The following CLASP1 variants were observed in gnomAD, a reference collection of about 807,000 sequenced individuals.
The protein encoded by CLASP1 is cytoplasmic linker associated protein 1.
A neutral mutation model predicts 192.3 loss-of-function variants in CLASP1; 38 were observed. That is an observed-to-expected ratio of 0.20 (90% confidence interval 0.15 to 0.26). CLASP1 has a LOEUF of 0.26. Among genes scored for constraint, CLASP1 ranks in the 10% least tolerant of loss-of-function variants. The pLI is 1.00. For missense variants in CLASP1, 1,433 were observed against 1,932.5 expected (o/e 0.74, Z 4.85); for synonymous variants, 691 against 712.8 (o/e 0.97, Z 0.49).
intron 6 of CLASP1, among the ~76,000 whole-genome samples, chr2:121,516,586 C>A (rs2094301704): frequency 6.6e-6 from 1 of 152,146 alleles, no homozygotes; most frequent in Non-Finnish European, 1.5e-5. Context: ...GACTTTTTTT[C>A]TAACCTGGGG....
intron 23 of CLASP1, among the ~76,000 whole-genome samples, chr2:121,415,488 C>T (rs996729381): frequency 6.6e-6 from 1 of 152,168 alleles, no homozygotes; most frequent in African/African-American, 2.4e-5. Flanking sequence ...CATATTACTT[C>T]ATCAACCTGA....
chr2:121,615,114 C>A (rs1030556981), intron 1 of CLASP1, among the ~76,000 whole-genome samples: 1 of 151,850 alleles, frequency 6.6e-6, no homozygotes, highest in Non-Finnish European at 1.5e-5. Context: ...CCAAAGTGGG[C>A]AGATCACCTG....
chr2:121,599,312 G>A (rs561228620), intron 2 of CLASP1, among the ~76,000 whole-genome samples: 89 of 150,364 alleles, frequency 5.9e-4, no homozygotes, highest in African/African-American at 1.9e-3. Flanking sequence ...AAAAACAGCC[G>A]GGCACGGTGG....
chr2:121,621,048 G>A (rs1178609763), intron 1 of CLASP1, among the ~76,000 whole-genome samples: 1 of 151,940 alleles, frequency 6.6e-6, no homozygotes, highest in East Asian at 1.9e-4. Context: ...GGGCAATGTG[G>A]CAAACCCTAT....
At chr2:121,464,181 T>G (rs2088869070) in intron 9 of CLASP1, among the ~76,000 whole-genome samples, 1 of 152,172 alleles carries the variant, frequency 6.6e-6, no homozygotes, top group Non-Finnish European at 1.5e-5. Context: ...GAACTCATCC[T>G]TTTTTATGGA....
chr2:121,641,192 G>GC (rs2071993276), intron 1 of CLASP1, among the ~76,000 whole-genome samples: 2 of 152,178 alleles, frequency 1.3e-5, no homozygotes, highest in South Asian at 4.1e-4. Flanking sequence ...GCCTCTGTTA[G>GC]CATGTCCGGG....
At chr2:121,536,377 TGAAAAAAAA>T (rs2095077545) in intron 2 of CLASP1, among the ~76,000 whole-genome samples, 1 of 62,086 alleles carries the variant, frequency 1.6e-5, no homozygotes, top group African/African-American at 1.6e-4. Flanking sequence ...CAAGACTGTC[TGAAAAAAAA>T]AAAAAAAAAA....
chr2:121,442,862 T>C (rs1032953523), intron 19 of CLASP1, among the ~76,000 whole-genome samples: 1 of 151,694 alleles, frequency 6.6e-6, no homozygotes, highest in Non-Finnish European at 1.5e-5. Flanking sequence ...AAGAGACTTA[T>C]TAATAAATTT....
intron 2 of CLASP1, among the ~76,000 whole-genome samples, chr2:121,553,960 T>C (rs1337281123): frequency 6.6e-6 from 1 of 152,002 alleles, no homozygotes; most frequent in Non-Finnish European, 1.5e-5. Flanking sequence ...ACACCTGCAA[T>C]TTCCGAACTT....
chr2:121,454,589 A>T lies in CLASP1; in HGVS notation c.1386-2740T>A, dbSNP rs551416127. On this transcript the variant is annotated intron_variant, in intron 14 of 39. Coordinates refer to ENST00000263710, the Ensembl canonical transcript of CLASP1. ...CATAATGTTTTAAGAAAGTTTACGAATTTGTATTGGGCATTCAAAGCTGTC... is the reference window on the plus strand; with the variant it reads ...CATAATGTTTTAAGAAAGTTTACGATTTTGTATTGGGCATTCAAAGCTGTC... Among the ~76,000 whole-genome samples the T allele has an allele frequency of 3.3e-5, 5 of 152,330 alleles. No individual in the cohort carries two copies. The South Asian group carries it at 1.0e-3, about 32-fold the overall frequency.
rs866809291 is a variant in CLASP1, at chr2:121,503,297, A to G, written c.645-63T>C. The G allele has an allele frequency of 4.1e-6, 4 of 966,068 alleles. No homozygotes were observed. The South Asian group carries it at 4.3e-5, about 10-fold the overall frequency. The allele number at this position is 966,068 out of a possible 1,614,324, so 59.8% of individuals were successfully genotyped here. On this transcript the variant is annotated intron_variant, in intron 7 of 39. Coordinates refer to ENST00000263710, the Ensembl canonical transcript of CLASP1. ...CACTGCTCATAGCCAATTATATTAA[A>G]ATGCTAATGTGAAGTTGATCCCCAC...
chr2:121,526,563 C>CT (rs199692805), intron 5 of CLASP1, among the ~76,000 whole-genome samples: 12 of 149,570 alleles, frequency 8.0e-5, no homozygotes, highest in East Asian at 5.8e-4. Flanking sequence ...TAGAAGTTTT[C>CT]TTTTTTTTTT....
At chr2:121,624,739 GT>G (rs1374904030) in intron 1 of CLASP1, among the ~76,000 whole-genome samples, 4 of 151,916 alleles carry the variant, frequency 2.6e-5, no homozygotes, top group African/African-American at 7.3e-5. Flanking sequence ...GTTTTGTTTT[GT>G]TTTTTTCAAT....
At chr2:121,554,403 G>A (rs2058333508) in intron 2 of CLASP1, among the ~76,000 whole-genome samples, 1 of 148,044 alleles carries the variant, frequency 6.8e-6, no homozygotes, top group Non-Finnish European at 1.5e-5. Flanking sequence ...TTGAGCCCAG[G>A]AGTTTGAGAC....
intron 25 of CLASP1, among the ~76,000 whole-genome samples, chr2:121,406,022 T>C (rs1024934526): frequency 1.1e-4 from 17 of 152,314 alleles, no homozygotes; most frequent in African/African-American, 3.6e-4. Flanking sequence ...TAAAGTAGAC[T>C]GCATTTCATG....
intron 1 of CLASP1, among the ~76,000 whole-genome samples, chr2:121,625,126 C>T (rs1001826805): frequency 2.0e-5 from 3 of 152,090 alleles, no homozygotes; most frequent in Non-Finnish European, 2.9e-5. Flanking sequence ...AATGTGTATC[C>T]TGCTATTATT....
chr2:121,414,678 C>T (rs2078265869), intron 23 of CLASP1, among the ~76,000 whole-genome samples: 1 of 152,206 alleles, frequency 6.6e-6, no homozygotes, highest in Admixed American at 6.5e-5. Flanking sequence ...CATAATGTTA[C>T]TTCAACGGAA....
chr2:121,614,583 C>A (rs923443401), intron 1 of CLASP1, among the ~76,000 whole-genome samples: 1 of 152,104 alleles, frequency 6.6e-6, no homozygotes, highest in Non-Finnish European at 1.5e-5. Flanking sequence ...AATACTGTGA[C>A]GTGTTTTTCA....
At chr2:121,379,729 C>A (rs1295239946) in intron 33 of CLASP1, among the ~76,000 whole-genome samples, 2 of 152,126 alleles carry the variant, frequency 1.3e-5, no homozygotes, top group African/African-American at 2.4e-5. Flanking sequence ...AGGGATGTCA[C>A]AATATTATTT....
Sources: gnomAD v4.1 joint callset for allele counts (sites outside exome capture counted in the v4.1 genomes callset) on GRCh38, gnomAD v4.1.1 for gene constraint, MANE v1.5 for transcripts, NCBI Gene and HGNC (gene_info 2026-07-23, HGNC 2026-07-21) for gene names.